Variants in HCN1 observed in about 807,000 individuals in gnomAD.
HCN1 encodes potassium/sodium hyperpolarization-activated cyclic nucleotide-gated channel 1.
In HCN1, 13 loss-of-function variants were observed where a neutral mutation model predicts 78.9. That is an observed-to-expected ratio of 0.16 (90% confidence interval 0.11 to 0.26). HCN1 has a LOEUF of 0.26. HCN1 is among the 10% of genes least tolerant of loss of function. The pLI, the probability that HCN1 is intolerant of heterozygous loss-of-function variation, is 1.00. For missense variants in HCN1, 810 were observed against 1,154.3 expected (o/e 0.70, Z 4.32); for synonymous variants, 552 against 455.5 (o/e 1.21, Z -2.70).
intron 5 of HCN1, among the ~76,000 whole-genome samples, chr5:45,341,667 G>T (rs1011915537): frequency 6.6e-6 from 1 of 152,134 alleles, no homozygotes; most frequent in African/African-American, 2.4e-5. Flanking sequence ...TGAACTGGGA[G>T]GATCACTTGA....
chr5:45,497,390 A>AT (rs1742062286), intron 2 of HCN1, among the ~76,000 whole-genome samples: 1 of 152,106 alleles, frequency 6.6e-6, no homozygotes, highest in African/African-American at 2.4e-5. Context: ...GTGCTCCTGT[A>AT]TTGGGCGCAT....
At chr5:45,537,379 C>T (rs1224441991) in intron 2 of HCN1, among the ~76,000 whole-genome samples, 1 of 145,082 alleles carries the variant, frequency 6.9e-6, no homozygotes, top group Middle Eastern at 3.3e-3. Flanking sequence ...TCCTGGTACA[C>T]AGCTGATTAT....
At chr5:45,695,415 C>A (rs1246538217) in intron 1 of HCN1, among the ~76,000 whole-genome samples, 3 of 152,140 alleles carry the variant, frequency 2.0e-5, no homozygotes, top group African/African-American at 7.2e-5. Flanking sequence ...CTGATCTGTC[C>A]CCGAAGTTCA....
chr5:45,610,570 T>A (rs1253176269), intron 2 of HCN1, among the ~76,000 whole-genome samples: 4 of 149,566 alleles, frequency 2.7e-5, no homozygotes, highest in Non-Finnish European at 5.9e-5. Flanking sequence ...TATATATGTA[T>A]ATATGATTAA....
intron 1 of HCN1, among the ~76,000 whole-genome samples, chr5:45,652,381 G>C (rs886915653): frequency 9.2e-5 from 14 of 151,674 alleles, no homozygotes; most frequent in African/African-American, 3.4e-4. Flanking sequence ...TTCTGTATTA[G>C]CATAGACTCA....
intron 3 of HCN1, among the ~76,000 whole-genome samples, chr5:45,400,354 A>G (rs1305332863): frequency 6.7e-6 from 1 of 149,598 alleles, no homozygotes; most frequent in Non-Finnish European, 1.5e-5. Context: ...CTGTGTATAC[A>G]TGCTCTTAAA....
chr5:45,677,271 A>AT (rs558456695), intron 1 of HCN1, among the ~76,000 whole-genome samples: 48 of 151,912 alleles, frequency 3.2e-4, no homozygotes, highest in Non-Finnish European at 5.6e-4. Context: ...AAATAGAGTG[A>AT]TATCTGACTT....
chr5:45,498,976 C>A (rs969452202), intron 2 of HCN1, among the ~76,000 whole-genome samples: 1 of 152,190 alleles, frequency 6.6e-6, no homozygotes, highest in Non-Finnish European at 1.5e-5. Context: ...AGAACCACTA[C>A]TCTTCTTCAA....
intron 2 of HCN1, among the ~76,000 whole-genome samples, chr5:45,592,023 T>C (rs1217370655): frequency 3.3e-5 from 5 of 152,268 alleles, no homozygotes; most frequent in African/African-American, 1.2e-4. Flanking sequence ...TGGATGTCCA[T>C]TTGTTCCAGC....
At chr5:45,690,305 A>C (rs1247468861) in intron 1 of HCN1, among the ~76,000 whole-genome samples, 1 of 152,098 alleles carries the variant, frequency 6.6e-6, no homozygotes, top group Admixed American at 6.6e-5. Flanking sequence ...GTGGTCAACT[A>C]TTAGACAAAA....
intron 5 of HCN1, among the ~76,000 whole-genome samples, chr5:45,314,725 C>G (rs1745940738): frequency 6.6e-6 from 1 of 152,058 alleles, no homozygotes. Flanking sequence ...GAAGATCTAC[C>G]AAGCAAATAG....
At chr5:45,341,245 A>C (rs766602311) in intron 5 of HCN1, among the ~76,000 whole-genome samples, 1 of 152,226 alleles carries the variant, frequency 6.6e-6, no homozygotes, top group Non-Finnish European at 1.5e-5. Context: ...TCAATTTGCA[A>C]GGAAAAAATT....
intron 5 of HCN1, among the ~76,000 whole-genome samples, chr5:45,335,928 T>C (rs566999923): frequency 6.6e-6 from 1 of 152,166 alleles, no homozygotes; most frequent in South Asian, 2.1e-4. Context: ...GGCCATCTGG[T>C]AATCGTGATG....
chr5:45,259,105 A>T lies in HCN1; in HGVS notation c.*2816T>A, dbSNP rs2111833687. ...CTATTTAAAGTCCTCTCATTCCAGAATTATAGAATATAATTGATTTTATGT... is the reference window on the plus strand; with the variant it reads ...CTATTTAAAGTCCTCTCATTCCAGATTTATAGAATATAATTGATTTTATGT... On this transcript the variant is annotated 3_prime_UTR_variant, in exon 8 of 8. Coordinates refer to ENST00000303230, the MANE Select transcript of HCN1 (RefSeq NM_021072.4). 1 of 152,110 alleles carries T rather than the reference A, an allele frequency of 6.6e-6. No homozygotes were observed. Among genetic ancestry groups the T allele is most frequent in the South Asian group, 2.1e-4 (1 of 4,826 alleles). 9.4% of individuals were successfully genotyped at this position (152,110 alleles called of 1,614,324 possible).
intron 3 of HCN1, among the ~76,000 whole-genome samples, chr5:45,448,736 T>C (rs1236072786): frequency 6.6e-6 from 1 of 152,196 alleles, no homozygotes; most frequent in Admixed American, 6.5e-5. Context: ...TATATACCAA[T>C]ACATTGATAG....
chr5:45,560,671 C>A (rs80093279), intron 2 of HCN1, among the ~76,000 whole-genome samples: 8,336 of 151,902 alleles, frequency 0.055, 297 homozygotes, highest in East Asian at 0.15. Context: ...CAAATAAAAA[C>A]AATGTGTTTA....
chr5:45,544,127 T>C (rs1410686527), intron 2 of HCN1, among the ~76,000 whole-genome samples: 3 of 152,106 alleles, frequency 2.0e-5, no homozygotes, highest in Admixed American at 6.6e-5. Flanking sequence ...CTTAGCATTC[T>C]GAGGAATAAA....
At chr5:45,526,438 A>G (rs1742737200) in intron 2 of HCN1, among the ~76,000 whole-genome samples, 1 of 151,936 alleles carries the variant, frequency 6.6e-6, no homozygotes, top group Non-Finnish European at 1.5e-5. Flanking sequence ...TGCACTTTTC[A>G]TCCTGATAAC....
intron 4 of HCN1, among the ~76,000 whole-genome samples, chr5:45,376,054 A>G (rs1209122299): frequency 6.2e-4 from 70 of 112,300 alleles, no homozygotes; most frequent in African/African-American, 2.5e-3. Flanking sequence ...AATATATATT[A>G]TATACAATAT....
Sources: gnomAD v4.1 joint callset for allele counts (sites outside exome capture counted in the v4.1 genomes callset) on GRCh38, gnomAD v4.1.1 for gene constraint, MANE v1.5 for transcripts, NCBI Gene and HGNC (gene_info 2026-07-23, HGNC 2026-07-21) for gene names.